The following FHIT variants were observed in gnomAD, a reference collection of about 807,000 sequenced individuals.
FHIT encodes bis(5'-adenosyl)-triphosphatase.
A neutral mutation model predicts 17.9 loss-of-function variants in FHIT; 19 were observed. The observed-to-expected ratio is 1.06, with a 90% confidence interval of 0.74 to 1.56. FHIT has a LOEUF of 1.56. FHIT is among the 40% of genes most tolerant of loss of function. FHIT has a pLI of 0.00. For synonymous variants in FHIT, 81 were observed against 69.7 expected (o/e 1.16, Z -0.81); for missense variants, 248 against 189.2 (o/e 1.31, Z -1.82).
At chr3:59,973,183 A>T (rs1172350196) in intron 7 of FHIT, among the ~76,000 whole-genome samples, 4 of 151,904 alleles carry the variant, frequency 2.6e-5, no homozygotes, top group Non-Finnish European at 5.9e-5. Flanking sequence ...TGCCTTATCC[A>T]CTCGCATTTC....
chr3:59,833,992 G>T (rs1207138014), intron 8 of FHIT, among the ~76,000 whole-genome samples: 1 of 152,168 alleles, frequency 6.6e-6, no homozygotes, highest in African/African-American at 2.4e-5. Context: ...GGAATGGTGA[G>T]TCCACTAAAC....
At chr3:60,926,438 ACCTGCT>A (rs1272351500) in intron 3 of FHIT, among the ~76,000 whole-genome samples, 2 of 152,230 alleles carry the variant, frequency 1.3e-5, no homozygotes, top group Non-Finnish European at 2.9e-5. Flanking sequence ...AAACTGAACA[ACCTGCT>A]CCTGAATGAC....
intron 8 of FHIT, among the ~76,000 whole-genome samples, chr3:59,778,671 A>G (rs1274723375): frequency 1.3e-5 from 2 of 152,230 alleles, no homozygotes; most frequent in African/African-American, 2.4e-5. Context: ...GTGGGCCACA[A>G]CTGGACAACC....
At chr3:60,123,258 T>C (rs754627919) in intron 5 of FHIT, among the ~76,000 whole-genome samples, 29 of 152,124 alleles carry the variant, frequency 1.9e-4, no homozygotes, top group Non-Finnish European at 3.5e-4. Context: ...GAGAAGCACA[T>C]GAGATAAGCG....
chr3:60,370,035 G>A (rs758792360), intron 5 of FHIT, among the ~76,000 whole-genome samples: 2 of 152,168 alleles, frequency 1.3e-5, no homozygotes, highest in African/African-American at 2.4e-5. Flanking sequence ...ATAGACAAAA[G>A]TATCCGCTAT....
intron 5 of FHIT, among the ~76,000 whole-genome samples, chr3:60,063,733 T>C (rs764424897): frequency 1.2e-4 from 19 of 152,182 alleles, no homozygotes; most frequent in Non-Finnish European, 2.1e-4. Flanking sequence ...TGCTAAGAAT[T>C]TGCCCTACAG....
At position 59,922,483 on chromosome 3, in the gene FHIT, C is replaced by T. The variant is rs949848266; in HGVS notation, c.280-69G>A. 1.4e-5 allele frequency: 18 copies of T among 1,332,224 alleles called. No individual in the cohort carries two copies. In the African/African-American group the frequency reaches 2.4e-4, roughly 18 times the overall value. 82.5% of individuals were successfully genotyped at this position (1,332,224 alleles called of 1,614,324 possible). A position where few individuals can be genotyped will look rare whatever the true frequency, so the allele number is the denominator to read the frequency against. ...TGTATTTTTAGACTTGACAGTGATGCTCTCATGAAGCCCAATTACTCCACG... is the reference window on the plus strand; with the variant it reads ...TGTATTTTTAGACTTGACAGTGATGTTCTCATGAAGCCCAATTACTCCACG... On this transcript the variant is annotated intron_variant, in intron 7 of 9. Coordinates refer to ENST00000492590, the MANE Select transcript of FHIT (RefSeq NM_002012.4).
intron 3 of FHIT, among the ~76,000 whole-genome samples, chr3:60,895,374 C>T (rs1034140622): frequency 6.6e-6 from 1 of 152,246 alleles, no homozygotes; most frequent in African/African-American, 2.4e-5. Context: ...GCCAGATTAC[C>T]TCACTGTATG....
chr3:60,044,170 C>G (rs1428932448), intron 5 of FHIT, among the ~76,000 whole-genome samples: 1 of 152,108 alleles, frequency 6.6e-6, no homozygotes, highest in African/African-American at 2.4e-5. Context: ...AAGTAAAACC[C>G]TAAAATCAGG....
intron 5 of FHIT, among the ~76,000 whole-genome samples, chr3:60,081,158 T>A (rs763020181): frequency 7.9e-5 from 12 of 152,102 alleles, no homozygotes; most frequent in Non-Finnish European, 1.5e-4. Flanking sequence ...CCCATTAGAA[T>A]CACCTGAGGG....
chr3:59,904,830 G>A (rs765907876), intron 8 of FHIT, among the ~76,000 whole-genome samples: 1 of 152,178 alleles, frequency 6.6e-6, no homozygotes, highest in Non-Finnish European at 1.5e-5. Context: ...GCTGGGCCTG[G>A]GGCCTTTTCC....
At chr3:59,954,254 G>A (rs887950653) in intron 7 of FHIT, among the ~76,000 whole-genome samples, 2 of 93,406 alleles carry the variant, frequency 2.1e-5, no homozygotes, top group South Asian at 3.3e-4. Flanking sequence ...ATGTGTGTTT[G>A]TATTGCTTTG....
chr3:60,942,925 A>G (rs1553774902), intron 3 of FHIT, among the ~76,000 whole-genome samples: 1 of 152,194 alleles, frequency 6.6e-6, no homozygotes, highest in African/African-American at 2.4e-5. Context: ...TGACTCACAA[A>G]TTATTGACAG....
chr3:60,540,642 A>G (rs2107606119), intron 4 of FHIT, among the ~76,000 whole-genome samples: 1 of 152,338 alleles, frequency 6.6e-6, no homozygotes. Flanking sequence ...AAAGCAGAAG[A>G]AAAACATGTT....
chr3:60,644,697 G>A (rs538055897), intron 4 of FHIT, among the ~76,000 whole-genome samples: 1 of 152,116 alleles, frequency 6.6e-6, no homozygotes, highest in Non-Finnish European at 1.5e-5. Flanking sequence ...CAGGTAATGG[G>A]CAGTTCTAAA....
intron 4 of FHIT, among the ~76,000 whole-genome samples, chr3:60,708,445 G>A (rs2041429606): frequency 6.6e-6 from 1 of 152,156 alleles, no homozygotes; most frequent in Non-Finnish European, 1.5e-5. Flanking sequence ...ATTGATATGT[G>A]ACACCCATGA....
At chr3:60,291,608 G>A (rs1707987657) in intron 5 of FHIT, among the ~76,000 whole-genome samples, 1 of 151,990 alleles carries the variant, frequency 6.6e-6, no homozygotes, top group African/African-American at 2.4e-5. Context: ...TCTTTGGTAG[G>A]AAAAAAATAA....
At chr3:60,488,033 T>C (rs565017995) in intron 5 of FHIT, among the ~76,000 whole-genome samples, 31 of 152,272 alleles carry the variant, frequency 2.0e-4, no homozygotes, top group Admixed American at 1.1e-3. Context: ...GTGATCCAAA[T>C]GCAGATGTTC....
chr3:60,595,348 A>T (rs11705999), intron 4 of FHIT, among the ~76,000 whole-genome samples: 74,597 of 150,336 alleles, frequency 0.5, 19,314 homozygotes, highest in Non-Finnish European at 0.56. Flanking sequence ...ATTGTACAGG[A>T]TTAAGCCTGA....
Sources: gnomAD v4.1 joint callset for allele counts (sites outside exome capture counted in the v4.1 genomes callset) on GRCh38, gnomAD v4.1.1 for gene constraint, MANE v1.5 for transcripts, NCBI Gene and HGNC (gene_info 2026-07-23, HGNC 2026-07-21) for gene names.